The following CSNK2A1 variants were observed in gnomAD, a reference collection of about 807,000 sequenced individuals.
CSNK2A1 encodes casein kinase II subunit alpha.
A neutral mutation model predicts 62.9 loss-of-function variants in CSNK2A1; 10 were observed. That is an observed-to-expected ratio of 0.16 (90% CI 0.10 to 0.27). CSNK2A1 has a LOEUF of 0.27. Among genes scored for constraint, CSNK2A1 ranks in the 10% least tolerant of loss-of-function variants. The probability of loss-of-function intolerance (pLI) is 1.00; values close to 1 mark genes in which losing one functional copy is unlikely to be tolerated. For synonymous variants in CSNK2A1, 124 were observed against 167.8 expected, an observed-to-expected ratio of 0.74 and a Z score of 2.02; for missense variants, 160 against 492.0, an observed-to-expected ratio of 0.33 and a Z score of 6.38.
At chr20:491,860 C>G (rs1322555163) in intron 9 of CSNK2A1, among the ~76,000 whole-genome samples, 1 of 151,900 alleles carries the variant, frequency 6.6e-6, no homozygotes, top group Non-Finnish European at 1.5e-5. Flanking sequence ...GGAGGCGGAG[C>G]TTGCAGTGAG....
chr20:490,335 C>CTTTTTTTTTTTTTTTTTTTTTT (rs907727482), intron 9 of CSNK2A1, among the ~76,000 whole-genome samples: 3 of 84,802 alleles, frequency 3.5e-5, no homozygotes, highest in Non-Finnish European at 6.4e-5. Flanking sequence ...CTAGTTTTTT[C>CTTTTTTTTTTTTTTTTTTTTTT]TTTTTTTTTT....
intron 3 of CSNK2A1, 125 bp from the exon 4 acceptor site, chr20:505,354 T>TTG: frequency 2.5e-6 from 1 of 397,478 alleles, no homozygotes; most frequent in Non-Finnish European, 4.0e-6. Context: ...CAAATAGGTT[T>TTG]TTTTTTTTTT....
chr20:519,882 A>G (rs756061326), intron 2 of CSNK2A1, among the ~76,000 whole-genome samples: 2 of 152,228 alleles, frequency 1.3e-5, no homozygotes, highest in Admixed American at 6.5e-5. Context: ...CATAGAATAC[A>G]TAACAATAAA....
At chr20:532,330 A>ATTT (rs138287291) in intron 1 of CSNK2A1, among the ~76,000 whole-genome samples, 43 of 121,976 alleles carry the variant, frequency 3.5e-4, no homozygotes, top group African/African-American at 1.4e-3. Flanking sequence ...TGCCCGGCTA[A>ATTT]TTTTTTTTTT....
chr20:492,159 C>T (rs2018249116), intron 9 of CSNK2A1, 95 bp downstream of exon 9: 2 of 970,150 alleles, frequency 2.1e-6, no homozygotes, highest in Admixed American at 4.7e-5. Context: ...ATTAAGTGGC[C>T]TACCTAAATG....
At chr20:521,282 G>A (rs748189533) in intron 2 of CSNK2A1, among the ~76,000 whole-genome samples, 85 of 152,160 alleles carry the variant, frequency 5.6e-4, no homozygotes, top group African/African-American at 2.0e-3. Context: ...CACAAAAGAA[G>A]ATATACACAT....
At chr20:497,934 C>A in intron 6 of CSNK2A1, 154 bp from the exon 7 acceptor site, 2 of 605,874 alleles carry the variant, frequency 3.3e-6, no homozygotes, top group East Asian at 5.7e-5. Flanking sequence ...ATTACATTAA[C>A]TTTAAAGAGA....
chr20:528,602 T>A (rs1010868197), intron 1 of CSNK2A1, among the ~76,000 whole-genome samples: 3 of 151,468 alleles, frequency 2.0e-5, no homozygotes, highest in Admixed American at 6.6e-5. Flanking sequence ...TTCTTTTTTT[T>A]CTTTCTTTCT....
chr20:507,860 A>G (rs2018637586), intron 3 of CSNK2A1: 1 of 152,246 alleles, frequency 6.6e-6, no homozygotes, highest in African/African-American at 2.4e-5. Flanking sequence ...CCAGGTGCCC[A>G]TACAGAATAC....
chr20:513,062 AG>A, intron 2 of CSNK2A1, among the ~76,000 whole-genome samples: 1 of 152,344 alleles, frequency 6.6e-6, no homozygotes, highest in Admixed American at 6.5e-5. Context: ...CCAAAATAGT[AG>A]AAACAGCAGC....
At chr20:496,416 T>C (rs2018347607) in intron 7 of CSNK2A1, 1 of 152,578 alleles carries the variant, frequency 6.6e-6, no homozygotes. Context: ...CAATGCCTGA[T>C]TTAGGTCATC....
chr20:499,132 G>T lies in CSNK2A1; in HGVS notation c.366+123C>A. The T allele has an allele frequency of 1.4e-6, 1 of 719,820 alleles. No individual in the cohort carries two copies. The highest frequency in any genetic ancestry group is 2.1e-6 in the Non-Finnish European group (1 of 480,434). 44.6% of individuals were successfully genotyped at this position (719,820 alleles called of 1,614,324 possible). On this transcript the variant is annotated intron_variant, in intron 6 of 13. Coordinates refer to ENST00000217244, the MANE Select transcript of CSNK2A1 (RefSeq NM_177559.3). This position sits in a 1 kb window ranked among gnomAD's most constrained non-coding sequence, Gnocchi z 4.2. ...TAGGAGTTCTTCTATCTTAAAATTT[G>T]CACTGTAAGGATGAAAAGCTTTTTA...
At chr20:500,274 T>C in intron 4 of CSNK2A1, 1 of 233,746 alleles carries the variant, frequency 4.3e-6, no homozygotes, top group Non-Finnish European at 8.5e-6. Flanking sequence ...TTTAAATCGT[T>C]AGTAATACTA....
chr20:508,922 G>T (rs1229569852), intron 2 of CSNK2A1, among the ~76,000 whole-genome samples: 2 of 152,176 alleles, frequency 1.3e-5, no homozygotes, highest in Non-Finnish European at 2.9e-5. Flanking sequence ...AATGATTTTT[G>T]TAAGACAGCC....
chr20:508,346 GTATACA>G, intron 3 of CSNK2A1, 99 bp downstream of exon 3: 3 of 1,263,078 alleles, frequency 2.4e-6, no homozygotes, highest in Non-Finnish European at 3.3e-6. Flanking sequence ...TGATCCTGAG[GTATACA>G]CATACAGAGT....
intron 1 of CSNK2A1, among the ~76,000 whole-genome samples, chr20:540,256 G>A (rs1372209253): frequency 6.6e-6 from 1 of 152,196 alleles, no homozygotes; most frequent in Non-Finnish European, 1.5e-5. Context: ...CTAATGGGCT[G>A]TGGAAGTATT....
At chr20:489,946 A>C in intron 9 of CSNK2A1, 65 bp from the exon 10 acceptor site, 1 of 1,300,434 alleles carries the variant, frequency 7.7e-7, no homozygotes, top group Non-Finnish European at 1.0e-6. Context: ...CAAAATAAAA[A>C]ATTAATTTTT....
intron 13 of CSNK2A1, among the ~76,000 whole-genome samples, chr20:484,409 C>T (rs1237136827): frequency 6.6e-6 from 1 of 152,214 alleles, no homozygotes; most frequent in Non-Finnish European, 1.5e-5. Context: ...TAGCCAACCA[C>T]ATGTGGCTGC....
intron 11 of CSNK2A1, chr20:488,380 C>T (rs1279561894): frequency 1.1e-5 from 3 of 268,232 alleles, no homozygotes; most frequent in African/African-American, 6.8e-5. Flanking sequence ...CTTAAAGAAG[C>T]AAGGTAAATT....
Sources: allele counts gnomAD v4.1 joint callset (sites outside exome capture counted in the v4.1 genomes callset), GRCh38; gene constraint gnomAD v4.1.1; non-coding constraint Gnocchi (gnomAD v3.1); transcripts MANE v1.5; gene names NCBI Gene and HGNC (gene_info 2026-07-23, HGNC 2026-07-21).